Variants in HHIP observed in about 807,000 individuals in gnomAD.
The protein encoded by HHIP is hedgehog-interacting protein.
In HHIP, 12 loss-of-function variants were observed where a neutral mutation model predicts 74.0. That is an observed-to-expected ratio of 0.16 (90% CI 0.10 to 0.26). HHIP has a LOEUF of 0.26. HHIP is among the 10% of genes least tolerant of loss of function. HHIP has a pLI of 1.00. For missense variants in HHIP, 788 were observed against 845.0 expected (o/e 0.93, Z 0.84); for synonymous variants, 309 against 311.6 (o/e 0.99, Z 0.09).
intron 11 of HHIP, among the ~76,000 whole-genome samples, chr4:144,724,387 A>G (rs967114691): frequency 3.3e-5 from 5 of 152,156 alleles, no homozygotes; most frequent in African/African-American, 1.2e-4. Flanking sequence ...ACAGATTTGT[A>G]TTTATAAAAT....
chr4:144,683,448 A>G (rs1471659318), intron 4 of HHIP, among the ~76,000 whole-genome samples: 1 of 152,246 alleles, frequency 6.6e-6, no homozygotes, highest in Non-Finnish European at 1.5e-5. Context: ...TTAACAAAAG[A>G]CCACTGTGTT....
At chr4:144,683,197 T>G (rs545921684) in intron 4 of HHIP, among the ~76,000 whole-genome samples, 1 of 152,312 alleles carries the variant, frequency 6.6e-6, no homozygotes, top group African/African-American at 2.4e-5. Context: ...ATGTTTCCTG[T>G]TTTCTATCTA....
At chr4:144,666,248 CGTGTGT>C (rs5862718) in intron 4 of HHIP, among the ~76,000 whole-genome samples, 64,966 of 142,896 alleles carry the variant, frequency 0.45, 14,965 homozygotes, top group Non-Finnish European at 0.51. Flanking sequence ...ATACTACAGT[CGTGTGT>C]GTGTGTGTGT....
chr4:144,732,863 A>C (rs1190524792), intron 11 of HHIP, among the ~76,000 whole-genome samples: 1 of 152,154 alleles, frequency 6.6e-6, no homozygotes, highest in Non-Finnish European at 1.5e-5. Context: ...TGAGCAAGTG[A>C]GTAAGGAATA....
rs1728655953 is a variant in HHIP, at chr4:144,659,701, G to A, written c.694G>A (p.Ala232Thr). ...VVSGLRQPVG[A>T]LHSGDGSQRL... ...GAGTGGGCTGCGGCAGCCCGTTGGT[G>A]CCCTGCATAGTGGGGATGGCTCGCA... is the stretch of plus-strand genomic sequence containing the variant. The change falls in exon 4 of 13, where the codon GCC becomes ACC. Residue 232 changes from alanine (A) to threonine (T), a missense_variant. This residue lies in a region of HHIP where 373 missense variants were observed against 366.4 expected (regional missense o/e 1.02). Coordinates refer to ENST00000296575, the MANE Select transcript of HHIP (RefSeq NM_022475.3). 1.9e-6 allele frequency: 3 copies of A among 1,597,432 alleles called. No individual in the cohort carries two copies. The Admixed American group carries it at 5.3e-5, about 28-fold the overall frequency.
intron 2 of HHIP, among the ~76,000 whole-genome samples, chr4:144,656,280 C>T (rs1728555153): frequency 1.3e-5 from 2 of 152,102 alleles, no homozygotes; most frequent in African/African-American, 4.8e-5. Flanking sequence ...TTAGGTTATT[C>T]AGTTTGTCTA....
At chr4:144,710,167 G>T (rs1401454711) in intron 7 of HHIP, among the ~76,000 whole-genome samples, 1 of 152,122 alleles carries the variant, frequency 6.6e-6, no homozygotes, top group Non-Finnish European at 1.5e-5. Context: ...AACTCTACCT[G>T]GCCTGCTTTC....
At chr4:144,706,205 G>T (rs1730128701) in intron 4 of HHIP, among the ~76,000 whole-genome samples, 1 of 152,178 alleles carries the variant, frequency 6.6e-6, no homozygotes, top group African/African-American at 2.4e-5. Context: ...AAGCAACCTA[G>T]TAACCCGGGA....
chr4:144,711,839 C>G (rs915105812), intron 7 of HHIP, 111 bp from the exon 8 acceptor site: 1 of 986,086 alleles, frequency 1.0e-6, no homozygotes, highest in African/African-American at 1.6e-5. Context: ...ACTAAATTGC[C>G]ATAGGATCCT....
intron 2 of HHIP, among the ~76,000 whole-genome samples, chr4:144,653,012 T>G (rs535715962): frequency 6.6e-6 from 1 of 152,290 alleles, no homozygotes; most frequent in South Asian, 2.1e-4. Context: ...TTGGTTTTGT[T>G]GACTTGTTAT....
chr4:144,728,935 A>ATGTTTTGTATATAAGGAGTAG (rs1488289012), intron 11 of HHIP, among the ~76,000 whole-genome samples: 1 of 152,050 alleles, frequency 6.6e-6, no homozygotes, highest in Non-Finnish European at 1.5e-5. Flanking sequence ...AACATGCGGT[A>ATGTTTTGTATATAAGGAGTAG]AATCCTTCAG....
chr4:144,714,328 C>T lies in HHIP; in HGVS notation c.1527C>T (p.Tyr509=), dbSNP rs566553383. 52 of 1,613,322 alleles carry T rather than the reference C, an allele frequency of 3.2e-5. 1 individual carries two copies. The highest frequency in any genetic ancestry group is 3.2e-4 in the South Asian group (29 of 91,050). Residue 509 remains tyrosine (Y), a synonymous_variant, in exon 9 of 13, where the codon TAC becomes TAT. Coordinates refer to ENST00000296575, the MANE Select transcript of HHIP (RefSeq NM_022475.3). The part of the protein sequence containing the change: ...GCQSERLYGS[Y]VFGDRNGNFL... Reference sequence around the variant, plus strand: ...AGTCAGAAAGATTGTATGGAAGCTACGTGTTTGGAGATCGTAATGGGTAGG... The same window carrying T: ...AGTCAGAAAGATTGTATGGAAGCTATGTGTTTGGAGATCGTAATGGGTAGG...
intron 7 of HHIP, 47 bp from the exon 8 acceptor site, chr4:144,711,903 G>C: frequency 1.3e-6 from 2 of 1,579,266 alleles, no homozygotes; most frequent in Non-Finnish European, 1.7e-6. Flanking sequence ...TCTGAGCTTG[G>C]AAAAGATCAC....
intron 2 of HHIP, among the ~76,000 whole-genome samples, chr4:144,653,547 G>C (rs950777552): frequency 6.6e-6 from 1 of 151,992 alleles, no homozygotes; most frequent in Non-Finnish European, 1.5e-5. Context: ...TTTGGTTGCT[G>C]TTGCTTTAGT....
intron 2 of HHIP, among the ~76,000 whole-genome samples, chr4:144,656,498 G>T (rs929764676): frequency 3.9e-5 from 6 of 152,080 alleles, no homozygotes; most frequent in Non-Finnish European, 5.9e-5. Context: ...CACCAGCATT[G>T]TTTATTAATT....
rs1730441119 is a variant in HHIP at position 144,716,196 on chromosome 4, A to G, written c.1678+766A>G. Among the ~76,000 whole-genome samples the G allele has an allele frequency of 3.3e-5, 5 of 152,226 alleles. No homozygotes were observed. The South Asian group carries it at 1.0e-3, about 32-fold the overall frequency. On this transcript the variant is annotated intron_variant, in intron 10 of 12. Coordinates refer to ENST00000296575, the MANE Select transcript of HHIP (RefSeq NM_022475.3). ...TAGCCTCAGAGATAAATTTCTAGGC[A>G]TAAAGAAGAATGTATGTTTCCCATG...
chr4:144,689,279 AT>A (rs556054736), intron 4 of HHIP, among the ~76,000 whole-genome samples: 3 of 152,228 alleles, frequency 2.0e-5, no homozygotes, highest in Admixed American at 6.5e-5. Flanking sequence ...CATTATAAAT[AT>A]TTTTTGTACT....
chr4:144,700,534 G>T (rs1729944738), intron 4 of HHIP, among the ~76,000 whole-genome samples: 1 of 152,178 alleles, frequency 6.6e-6, no homozygotes, highest in Non-Finnish European at 1.5e-5. Flanking sequence ...TGGATCATCT[G>T]GGTGGGCTCA....
At chr4:144,711,320 T>A (rs187855965) in intron 7 of HHIP, among the ~76,000 whole-genome samples, 3 of 152,260 alleles carry the variant, frequency 2.0e-5, no homozygotes, top group Admixed American at 2.0e-4. Context: ...GGTAACACTG[T>A]TGTTTTTTTT....
Sources: allele counts gnomAD v4.1 joint callset (sites outside exome capture counted in the v4.1 genomes callset), GRCh38; gene constraint gnomAD v4.1.1; regional missense constraint gnomAD v4.1.1; transcripts MANE v1.5; gene names NCBI Gene and HGNC (gene_info 2026-07-23, HGNC 2026-07-21).